The following GMPR variants were observed in gnomAD, a reference collection of about 807,000 sequenced individuals.
GMPR encodes GMP reductase 1.
A neutral mutation model predicts 38.4 loss-of-function variants in GMPR; 31 were observed. The observed-to-expected ratio is 0.81, with a 90% confidence interval of 0.61 to 1.09. The LOEUF (loss-of-function observed/expected upper bound fraction) is 1.09. GMPR is among the 50% of genes least tolerant of loss of function. The pLI, the probability that GMPR is intolerant of heterozygous loss-of-function variation, is 0.00. For missense variants in GMPR, 468 were observed against 453.7 expected (o/e 1.03, Z -0.29); for synonymous variants, 162 against 173.3 (o/e 0.93, Z 0.51).
intron 5 of GMPR, among the ~76,000 whole-genome samples, 174 bp from the exon 6 acceptor site, chr6:16,278,610 G>GT (rs1400330032): frequency 6.6e-6 from 1 of 152,154 alleles, no homozygotes; most frequent in East Asian, 1.9e-4. Flanking sequence ...AGGTGGTGTG[G>GT]TTTACAGTGA....
intron 4 of GMPR, chr6:16,262,609 G>A (rs1759107743): frequency 6.6e-6 from 1 of 152,020 alleles, no homozygotes; most frequent in African/African-American, 2.4e-5. Context: ...CCTTGAAGGC[G>A]AGGTTAATTA....
At chr6:16,275,827 G>A (rs1235711238) in intron 5 of GMPR, among the ~76,000 whole-genome samples, 1 of 152,194 alleles carries the variant, frequency 6.6e-6, no homozygotes, top group Non-Finnish European at 1.5e-5. Context: ...GGAGGCCAAG[G>A]TGGGTGGATC....
At chr6:16,264,019 C>T (rs1759141206) in intron 4 of GMPR, among the ~76,000 whole-genome samples, 1 of 151,832 alleles carries the variant, frequency 6.6e-6, no homozygotes, top group African/African-American at 2.4e-5. Flanking sequence ...TGCCCCTTCC[C>T]CAGAAAAGCA....
intron 4 of GMPR, chr6:16,262,674 G>A (rs1380447852): frequency 6.6e-6 from 1 of 152,058 alleles, no homozygotes; most frequent in Non-Finnish European, 1.5e-5. Flanking sequence ...TTTCTTTAAT[G>A]TCGGGAGCAG....
chr6:16,277,580 CTATT>C, intron 5 of GMPR, among the ~76,000 whole-genome samples: 1 of 152,328 alleles, frequency 6.6e-6, no homozygotes, highest in South Asian at 2.1e-4. Flanking sequence ...CTTTCAGTGA[CTATT>C]TATAGTGCCT....
chr6:16,243,381 C>T (rs1322806845), intron 1 of GMPR, among the ~76,000 whole-genome samples: 1 of 152,172 alleles, frequency 6.6e-6, no homozygotes, highest in Non-Finnish European at 1.5e-5. Context: ...TGGGCATGAG[C>T]TTCTCACGAG....
chr6:16,267,264 C>T (rs1488065635), intron 4 of GMPR, among the ~76,000 whole-genome samples: 6 of 151,944 alleles, frequency 3.9e-5, no homozygotes. Flanking sequence ...CCCAGCTACT[C>T]GGGAGGCTGA....
At position 16,251,426 on chromosome 6, in the gene GMPR, C is replaced by T. The variant is rs145332540; in HGVS notation, c.291+1059C>T. Reference sequence around the variant, plus strand: ...TCTTTACTAGAAATACAAAATTAGCCGGGCGTGGTGGCGCATGCCTGTAAT... The same window carrying T: ...TCTTTACTAGAAATACAAAATTAGCTGGGCGTGGTGGCGCATGCCTGTAAT... On this transcript the variant is annotated intron_variant, in intron 3 of 8. Transcript: ENST00000259727. 9.0e-3 allele frequency among the ~76,000 whole-genome samples: 1,365 copies of T among 152,252 alleles called. 24 individuals carry two copies. Among genetic ancestry groups the T allele is most frequent in the African/African-American group, 0.031 (1,275 of 41,542 alleles).
chr6:16,290,266 C>T (rs1759812183), intron 7 of GMPR, 196 bp from the exon 8 acceptor site: 2 of 644,924 alleles, frequency 3.1e-6, no homozygotes, highest in Non-Finnish European at 5.6e-6. Context: ...TCGCAGTGTC[C>T]CATGGCCCTT....
chr6:16,260,583 A>G (rs1223431220), intron 4 of GMPR, among the ~76,000 whole-genome samples: 1 of 152,072 alleles, frequency 6.6e-6, no homozygotes, highest in Non-Finnish European at 1.5e-5. Context: ...CTTGAGGAGT[A>G]GTAGAATAGC....
At chr6:16,243,588 C>T (rs1047798171) in intron 1 of GMPR, among the ~76,000 whole-genome samples, 7 of 152,210 alleles carry the variant, frequency 4.6e-5, no homozygotes, top group African/African-American at 1.7e-4. Flanking sequence ...ACAGGTGTTA[C>T]AGCTAATGAG....
At chr6:16,253,092 G>A (rs1758906514) in intron 3 of GMPR, among the ~76,000 whole-genome samples, 1 of 152,228 alleles carries the variant, frequency 6.6e-6, no homozygotes, top group Non-Finnish European at 1.5e-5. Flanking sequence ...GAAGGGAGAG[G>A]TGTGAGGTTC....
chr6:16,269,307 G>A (rs1480393699), intron 4 of GMPR, among the ~76,000 whole-genome samples: 4 of 152,168 alleles, frequency 2.6e-5, no homozygotes, highest in African/African-American at 9.7e-5. Context: ...AAAGTACCCA[G>A]TAATGAGGGA....
intron 8 of GMPR, among the ~76,000 whole-genome samples, chr6:16,293,016 GTCTCTCTC>G (rs58570071): frequency 1.3e-5 from 2 of 149,806 alleles, no homozygotes; most frequent in African/African-American, 4.9e-5. Context: ...CTCTGTCTGA[GTCTCTCTC>G]TCTCTCTCTC....
intron 7 of GMPR, among the ~76,000 whole-genome samples, chr6:16,287,088 C>T (rs1053065657): frequency 2.6e-5 from 4 of 152,014 alleles, no homozygotes; most frequent in African/African-American, 4.8e-5. Context: ...ATCTACAGAC[C>T]CTCCACTGAT....
chr6:16,238,907 C>T (rs1056496884), intron 1 of GMPR, 127 bp downstream of exon 1: 9 of 370,902 alleles, frequency 2.4e-5, no homozygotes, highest in Admixed American at 4.7e-5. Flanking sequence ...GGGCGCTGCG[C>T]CCCCGTTCCC....
intron 6 of GMPR, among the ~76,000 whole-genome samples, chr6:16,279,259 GT>G (rs1367764323): frequency 1.3e-5 from 2 of 152,192 alleles, no homozygotes; most frequent in African/African-American, 2.4e-5. Flanking sequence ...ACATCAGGGT[GT>G]TGGGGGGGGC....
At chr6:16,281,597 C>T (rs1339277709) in intron 6 of GMPR, among the ~76,000 whole-genome samples, 1 of 152,196 alleles carries the variant, frequency 6.6e-6, no homozygotes, top group Admixed American at 6.5e-5. Context: ...GAATGCCTCC[C>T]GGGTTCAAGC....
intron 7 of GMPR, among the ~76,000 whole-genome samples, chr6:16,286,244 C>G (rs1212741869): frequency 1.3e-5 from 2 of 152,022 alleles, no homozygotes; most frequent in Non-Finnish European, 1.5e-5. Context: ...GAGGCTGGAG[C>G]CTGCCTCCCG....
Sources: gnomAD v4.1 joint callset for allele counts (sites outside exome capture counted in the v4.1 genomes callset) on GRCh38, gnomAD v4.1.1 for gene constraint, MANE v1.5 for transcripts, NCBI Gene and HGNC (gene_info 2026-07-23, HGNC 2026-07-21) for gene names.